The following CSMD1 variants were observed in gnomAD, a reference collection of about 807,000 sequenced individuals.
CSMD1 encodes the protein CUB and sushi domain-containing protein 1.
In CSMD1, 213 loss-of-function variants were observed where a neutral mutation model predicts 417.5. That is an observed-to-expected ratio of 0.51 (90% CI 0.46 to 0.57). The LOEUF is 0.57. Ranked by LOEUF, CSMD1 falls within the 20% of genes least tolerant of loss-of-function variation. The pLI, the probability that CSMD1 is intolerant of heterozygous loss-of-function variation, is 0.00. For synonymous variants in CSMD1, 2,862 were observed against 1,736.8 expected (o/e 1.65, Z -16.11); for missense variants, 6,923 against 4,529.7 (o/e 1.53, Z -15.17).
intron 10 of CSMD1, among the ~76,000 whole-genome samples, chr8:3,500,277 G>T (rs1175042459): frequency 1.3e-5 from 2 of 152,148 alleles, no homozygotes; most frequent in East Asian, 3.9e-4. Flanking sequence ...TGTGAAGGAG[G>T]AAAGTGCTGG....
intron 3 of CSMD1, among the ~76,000 whole-genome samples, chr8:4,404,628 G>A (rs1011529984): frequency 3.9e-5 from 6 of 151,932 alleles, no homozygotes; most frequent in Non-Finnish European, 7.4e-5. Flanking sequence ...ACCAACCTAA[G>A]TAATGTGAAT....
intron 5 of CSMD1, chr8:3,949,813 A>T: frequency 2.3e-6 from 1 of 428,242 alleles, no homozygotes; most frequent in Middle Eastern, 5.2e-4. Flanking sequence ...AAGCTGGGGC[A>T]ATGACCTGCT....
At chr8:3,546,378 T>A (rs1443871579) in intron 10 of CSMD1, among the ~76,000 whole-genome samples, 1 of 151,732 alleles carries the variant, frequency 6.6e-6, no homozygotes, top group South Asian at 2.1e-4. Context: ...CTACTAAAAA[T>A]ACAAAAAATT....
chr8:4,127,242 C>G (rs1194971108), intron 3 of CSMD1, among the ~76,000 whole-genome samples: 1 of 151,984 alleles, frequency 6.6e-6, no homozygotes, highest in Non-Finnish European at 1.5e-5. Context: ...TTACGGAAAG[C>G]TTCTAACACT....
chr8:3,439,549 T>G (rs1053070871), intron 12 of CSMD1, among the ~76,000 whole-genome samples: 6 of 151,232 alleles, frequency 4.0e-5, no homozygotes, highest in African/African-American at 1.2e-4. Flanking sequence ...GAGTTCTTTA[T>G]GAGTTCTTAT....
At chr8:3,770,443 C>G (rs1798506275) in intron 5 of CSMD1, among the ~76,000 whole-genome samples, 1 of 152,114 alleles carries the variant, frequency 6.6e-6, no homozygotes, top group African/African-American at 2.4e-5. Flanking sequence ...GCAGAAGATT[C>G]TCTTGAACCC....
chr8:3,320,966 A>G (rs567241826), intron 23 of CSMD1, among the ~76,000 whole-genome samples: 3 of 152,276 alleles, frequency 2.0e-5, no homozygotes, highest in Admixed American at 2.0e-4. Context: ...TACGTAACCA[A>G]CATTTTTGGA....
chr8:4,196,397 C>A (rs1362305224), intron 3 of CSMD1, among the ~76,000 whole-genome samples: 1 of 152,110 alleles, frequency 6.6e-6, no homozygotes, highest in South Asian at 2.1e-4. Flanking sequence ...ACAGGCCTCA[C>A]TAGACAAAAA....
intron 10 of CSMD1, among the ~76,000 whole-genome samples, chr8:3,571,763 G>A (rs139069108): frequency 1.7e-4 from 13 of 74,854 alleles, no homozygotes; most frequent in African/African-American, 3.6e-4. Context: ...TCCGTCTGGG[G>A]CAATTTCCCC....
rs953393233 is a variant in CSMD1, at chr8:4,692,617, T to C, written c.86-55059A>G. Among the ~76,000 whole-genome samples the C allele has an allele frequency of 4.6e-5, 7 of 152,294 alleles. No individual in the cohort carries two copies. In the East Asian group the frequency reaches 9.7e-4, roughly 21 times the overall value. On this transcript the variant is annotated intron_variant, in intron 1 of 69. Coordinates refer to ENST00000635120, the MANE Select transcript of CSMD1 (RefSeq NM_033225.6). Reference sequence around the variant, plus strand: ...CAAGGATTCTGCAGGCAAAGCCATGTGGGGTCCGTGAGGCTGCAGCAGACA... The same window carrying C: ...CAAGGATTCTGCAGGCAAAGCCATGCGGGGTCCGTGAGGCTGCAGCAGACA...
chr8:3,467,151 A>G (rs535777346), intron 12 of CSMD1, among the ~76,000 whole-genome samples: 1 of 152,342 alleles, frequency 6.6e-6, no homozygotes, highest in Non-Finnish European at 1.5e-5. Flanking sequence ...TCACTGTGAA[A>G]TATGACACAT....
intron 10 of CSMD1, among the ~76,000 whole-genome samples, chr8:3,543,010 T>TATCCCACC (rs1169621606): frequency 5.9e-5 from 9 of 152,082 alleles, no homozygotes; most frequent in African/African-American, 1.4e-4. Flanking sequence ...AAAATCCCAC[T>TATCCCACC]TCATGGCACC....
chr8:3,229,686 C>T (rs975813555), intron 27 of CSMD1, among the ~76,000 whole-genome samples: 2 of 152,018 alleles, frequency 1.3e-5, no homozygotes, highest in Non-Finnish European at 2.9e-5. Flanking sequence ...TGCTTAAGGG[C>T]ATGTTTCTAT....
intron 1 of CSMD1, among the ~76,000 whole-genome samples, chr8:4,978,494 C>T (rs774961318): frequency 1.3e-5 from 2 of 152,084 alleles, no homozygotes; most frequent in Non-Finnish European, 2.9e-5. Flanking sequence ...TTTCACTAAC[C>T]GCTCCTCACC....
intron 5 of CSMD1, among the ~76,000 whole-genome samples, chr8:3,957,517 A>C (rs1400323009): frequency 6.6e-6 from 1 of 152,066 alleles, no homozygotes; most frequent in Admixed American, 6.6e-5. Context: ...CTCTATAAAA[A>C]ATAAAATTTT....
chr8:4,525,143 A>G (rs924344142), intron 2 of CSMD1, among the ~76,000 whole-genome samples: 1 of 152,168 alleles, frequency 6.6e-6, no homozygotes, highest in Non-Finnish European at 1.5e-5. Flanking sequence ...CTCCAACATT[A>G]TTATTTGGGA....
intron 5 of CSMD1, among the ~76,000 whole-genome samples, chr8:3,766,920 G>T (rs557027528): frequency 6.6e-6 from 1 of 152,084 alleles, no homozygotes; most frequent in Non-Finnish European, 1.5e-5. Context: ...CAGCTGGTAA[G>T]ATATCCAACG....
chr8:4,992,414 A>G (rs1255145709), intron 1 of CSMD1, among the ~76,000 whole-genome samples: 1 of 152,202 alleles, frequency 6.6e-6, no homozygotes, highest in African/African-American at 2.4e-5. Flanking sequence ...ACCGAGAGTG[A>G]GCTCAGAGGC....
chr8:3,262,192 T>C lies in CSMD1; in HGVS notation c.4153+21952A>G, dbSNP rs971182398. On this transcript the variant is annotated intron_variant, in intron 26 of 69. Coordinates refer to ENST00000635120, the MANE Select transcript of CSMD1 (RefSeq NM_033225.6). ...AAAATTATGCTCATATGAATATATA[T>C]ATATATATATATATATATATATATA... Among the ~76,000 whole-genome samples, 285 of 63,000 alleles carry C rather than the reference T, an allele frequency of 4.5e-3. 7 individuals are homozygous for C. Among genetic ancestry groups the C allele is most frequent in the Middle Eastern group, 7.4e-3 (1 of 136 alleles). The allele number at this position is 63,000 out of a possible 152,430, so 41.3% of individuals were successfully genotyped here.
Sources: allele counts gnomAD v4.1 joint callset (sites outside exome capture counted in the v4.1 genomes callset), GRCh38; gene constraint gnomAD v4.1.1; transcripts MANE v1.5; gene names NCBI Gene and HGNC (gene_info 2026-07-23, HGNC 2026-07-21).